Variants in DMD observed in about 807,000 individuals in gnomAD.
DMD encodes the protein mutant dystrophin.
DMD carries 63 observed loss-of-function variants against 330.1 expected under a neutral mutation model. The ratio of observed to expected loss-of-function variants is 0.19; its 90% CI spans 0.16 to 0.24. The LOEUF (loss-of-function observed/expected upper bound fraction) is 0.24. Among genes scored for constraint, DMD ranks in the 10% least tolerant of loss-of-function variants. DMD has a pLI of 1.00. For missense variants in DMD, 3,344 were observed against 2,684.1 expected, an observed-to-expected ratio of 1.25 and a Z score of -5.43; for synonymous variants, 1,223 against 959.8, an observed-to-expected ratio of 1.27 and a Z score of -5.07.
At chrX:33,102,858 A>G (rs1043393017) in intron 1 of DMD, among the ~76,000 whole-genome samples, 30 of 112,384 alleles carry the variant, frequency 2.7e-4, no homozygotes, top group African/African-American at 9.4e-4. Flanking sequence ...ATTGGCAAGA[A>G]AAACTTACTT....
At chrX:31,513,477 T>C (rs765704257) in intron 55 of DMD, among the ~76,000 whole-genome samples, 73 of 110,924 alleles carry the variant, frequency 6.6e-4, no homozygotes, top group African/African-American at 2.3e-3. Flanking sequence ...AAAAGATTGA[T>C]ATGGAGAATC....
chrX:32,221,905 T>C (rs2097133282), intron 43 of DMD, among the ~76,000 whole-genome samples: 1 of 112,290 alleles, frequency 8.9e-6, no homozygotes, highest in South Asian at 3.6e-4. Flanking sequence ...TTTCTACGGC[T>C]GAGTAGTATT....
At chrX:31,162,492 G>T (rs2038961853) in intron 74 of DMD, among the ~76,000 whole-genome samples, 2 of 107,779 alleles carry the variant, frequency 1.9e-5, no homozygotes, top group South Asian at 8.5e-4. Flanking sequence ...CAATTTTTTT[G>T]TAGTATGAAG....
rs1234906374 is a variant in DMD at position 31,323,752 on chromosome X, C to G, written c.9164-94G>C. On this transcript the variant is annotated intron_variant, in intron 61 of 78. Transcript: ENST00000357033. ...TAATCTCCAGAATTACAATTTTACA[C>G]TGATATTGGTCTGTTTGCTCAGCTG... The G allele has an allele frequency of 7.5e-6, 6 of 795,015 alleles. No individual in the cohort carries two copies. The East Asian group carries it at 2.0e-4, about 27-fold the overall frequency. The allele number at this position is 795,015 out of a possible 1,213,427, so 65.5% of individuals were successfully genotyped here.
chrX:31,508,214 A>G, intron 55 of DMD: 1 of 1,202,671 alleles, frequency 8.3e-7, no homozygotes, highest in South Asian at 1.8e-5. Flanking sequence ...TGACCTTTAC[A>G]TGGTATGTCT....
chrX:32,031,512 A>T lies in DMD; in HGVS notation c.6439-62998T>A, dbSNP rs1215459795. On this transcript the variant is annotated intron_variant, in intron 44 of 78. Transcript: ENST00000357033. ...CAAGGGAATCTCTCTCACACAGTCA[A>T]TATAGTTTAGTTGAATTAATTAATG... is the stretch of plus-strand genomic sequence containing the variant. Among the ~76,000 whole-genome samples, 15 of 111,829 alleles carry T rather than the reference A, an allele frequency of 1.3e-4. No homozygotes were observed. The Admixed American group carries it at 1.4e-3, about 11-fold the overall frequency.
chrX:31,215,232 A>C (rs2045291756), intron 64 of DMD, among the ~76,000 whole-genome samples: 2 of 105,693 alleles, frequency 1.9e-5, no homozygotes, highest in Admixed American at 1.0e-4. Flanking sequence ...TGAGCCACCG[A>C]GCCCAGCCGA....
chrX:32,233,138 G>C lies in DMD; in HGVS notation c.6291-16075C>G, dbSNP rs1277535289. Among the ~76,000 whole-genome samples, 2 of 112,016 alleles carry C rather than the reference G, an allele frequency of 1.8e-5. 1 individual carries two copies. Among genetic ancestry groups the C allele is most frequent in the South Asian group, 7.4e-4 (2 of 2,696 alleles). On this transcript the variant is annotated intron_variant, in intron 43 of 78. Transcript: ENST00000357033. ...TGAAAAAGATACTATCTCTATCAAT[G>C]GGCAATTGACAGTTTAGTTGCACAG...
chrX:33,236,995 A>C (rs2052495298), intron 1 of DMD, among the ~76,000 whole-genome samples: 1 of 111,766 alleles, frequency 8.9e-6, no homozygotes, highest in South Asian at 3.7e-4. Context: ...CAACATGTTC[A>C]TGCATCCAGC....
At chrX:32,042,772 A>C (rs189589189) in intron 44 of DMD, among the ~76,000 whole-genome samples, 1 of 112,224 alleles carries the variant, frequency 8.9e-6, no homozygotes, top group East Asian at 2.8e-4. Context: ...AATGAGAGGA[A>C]ATAGTCTTAA....
At chrX:32,166,097 C>G (rs917761309) in intron 44 of DMD, among the ~76,000 whole-genome samples, 5 of 111,278 alleles carry the variant, frequency 4.5e-5, no homozygotes, top group Non-Finnish European at 9.4e-5. Context: ...CTAATACACT[C>G]CCTCTCTTGA....
intron 7 of DMD, among the ~76,000 whole-genome samples, chrX:32,793,800 G>A (rs1402615511): frequency 9.0e-6 from 1 of 111,401 alleles, no homozygotes; most frequent in East Asian, 2.8e-4. Flanking sequence ...AGGACCAGAT[G>A]TCTTTACTGC....
intron 20 of DMD, among the ~76,000 whole-genome samples, chrX:32,489,288 T>C (rs1215094947): frequency 1.8e-5 from 2 of 108,856 alleles, no homozygotes; most frequent in African/African-American, 6.7e-5. Context: ...TATTTGGTGA[T>C]AGGACTTTTA....
At chrX:32,891,558 T>A (rs2085205802) in intron 2 of DMD, among the ~76,000 whole-genome samples, 1 of 111,818 alleles carries the variant, frequency 8.9e-6, no homozygotes, top group South Asian at 3.7e-4. Flanking sequence ...AATAAAGCGA[T>A]GTAGGACAAA....
At chrX:32,491,928 T>G in intron 19 of DMD, among the ~76,000 whole-genome samples, 1 of 112,202 alleles carries the variant, frequency 8.9e-6, no homozygotes, top group South Asian at 3.7e-4. Flanking sequence ...CAAACTAACT[T>G]ACATTTTTAA....
At chrX:33,158,789 CA>C (rs779709674) in intron 1 of DMD, among the ~76,000 whole-genome samples, 81 of 111,488 alleles carry the variant, frequency 7.3e-4, no homozygotes, top group Non-Finnish European at 3.2e-4. Context: ...AGAACTGAAT[CA>C]TTATTTATTT....
chrX:32,959,720 C>G (rs1223985655), intron 2 of DMD, among the ~76,000 whole-genome samples: 6 of 110,748 alleles, frequency 5.4e-5, no homozygotes, highest in Non-Finnish European at 1.1e-4. Flanking sequence ...TTTGAAAAAG[C>G]CTTGCACACT....
At chrX:33,187,901 A>T (rs1481124290) in intron 1 of DMD, among the ~76,000 whole-genome samples, 2 of 111,791 alleles carry the variant, frequency 1.8e-5, no homozygotes, top group African/African-American at 6.5e-5. Context: ...TGCAATAATT[A>T]AATTTATTAC....
chrX:32,665,751 C>A (rs1318633803), intron 9 of DMD, among the ~76,000 whole-genome samples: 1 of 112,168 alleles, frequency 8.9e-6, no homozygotes, highest in Non-Finnish European at 1.9e-5. Flanking sequence ...TTACACACTA[C>A]TAAGACCTTG....
Sources: allele counts gnomAD v4.1 joint callset (sites outside exome capture counted in the v4.1 genomes callset), GRCh38; gene constraint gnomAD v4.1.1; transcripts MANE v1.5; gene names NCBI Gene and HGNC (gene_info 2026-07-23, HGNC 2026-07-21).